The following SNCAIP variants were observed in gnomAD, a reference collection of about 807,000 sequenced individuals.
SNCAIP encodes synuclein alpha interacting protein, also known as synphilin-1.
In SNCAIP, 43 loss-of-function variants were observed where a neutral mutation model predicts 86.7. That is an observed-to-expected ratio of 0.50 (90% CI 0.39 to 0.64). The LOEUF is 0.64. SNCAIP is among the 30% of genes least tolerant of loss of function. The probability of loss-of-function intolerance (pLI) is 0.00; values close to 1 mark genes in which losing one functional copy is unlikely to be tolerated. For missense variants in SNCAIP, 981 were observed against 1,103.1 expected, an observed-to-expected ratio of 0.89 and a Z score of 1.57; for synonymous variants, 417 against 427.2, an observed-to-expected ratio of 0.98 and a Z score of 0.29.
chr5:122,343,601 T>C (rs996621533), intron 1 of SNCAIP, among the ~76,000 whole-genome samples: 11 of 152,252 alleles, frequency 7.2e-5, no homozygotes, highest in African/African-American at 2.7e-4. Flanking sequence ...CTGTCATATA[T>C]GTTTTCTCTG....
At chr5:122,411,987 ACT>A (rs1308074971) in intron 3 of SNCAIP, among the ~76,000 whole-genome samples, 2 of 151,688 alleles carry the variant, frequency 1.3e-5, no homozygotes, top group East Asian at 1.9e-4. Flanking sequence ...GCAGTGGGAA[ACT>A]CTCTCATGTG....
rs138841778 is a variant in SNCAIP at position 122,341,975 on chromosome 5, A to G, written c.-47+29691A>G. Among the ~76,000 whole-genome samples, 1,132 of 152,294 alleles carry G rather than the reference A, an allele frequency of 7.4e-3. 9 individuals are homozygous for G. The highest frequency in any genetic ancestry group is 0.026 in the African/African-American group (1,061 of 41,542). ...AAAATAAAGGCAGTTTCTGCAGCAA[A>G]TTTATATAAAATATGCTTGCTTCCT... On this transcript the variant is annotated intron_variant, in intron 1 of 10. Coordinates refer to ENST00000261368, the MANE Select transcript of SNCAIP (RefSeq NM_005460.4).
intron 1 of SNCAIP, among the ~76,000 whole-genome samples, chr5:122,382,102 G>A (rs549840926): frequency 6.6e-6 from 1 of 152,212 alleles, no homozygotes; most frequent in East Asian, 1.9e-4. Flanking sequence ...TTGCTAGGTT[G>A]GGGAAGTTCT....
chr5:122,368,920 T>G (rs1046986402), intron 1 of SNCAIP, among the ~76,000 whole-genome samples: 6 of 152,114 alleles, frequency 3.9e-5, no homozygotes, highest in Non-Finnish European at 8.8e-5. Context: ...AGTAAGAGAT[T>G]TGGTAATTCC....
At chr5:122,314,074 G>A (rs959554864) in intron 1 of SNCAIP, among the ~76,000 whole-genome samples, 2 of 152,202 alleles carry the variant, frequency 1.3e-5, no homozygotes, top group Admixed American at 6.5e-5. Flanking sequence ...AAAAGGAAGT[G>A]ACTAAAGCAA....
chr5:122,446,180 T>C (rs1006054152), intron 8 of SNCAIP, among the ~76,000 whole-genome samples: 2 of 152,088 alleles, frequency 1.3e-5, no homozygotes, highest in African/African-American at 2.4e-5. Flanking sequence ...TGAACATGTA[T>C]AGATATTTCA....
chr5:122,360,033 C>T (rs1761896412), intron 1 of SNCAIP, among the ~76,000 whole-genome samples: 1 of 152,140 alleles, frequency 6.6e-6, no homozygotes, highest in African/African-American at 2.4e-5. Context: ...TTTATGCAGT[C>T]ACAGTTGATT....
chr5:122,369,340 A>G (rs1056549693), intron 1 of SNCAIP, among the ~76,000 whole-genome samples: 3 of 152,204 alleles, frequency 2.0e-5, no homozygotes, highest in Admixed American at 1.3e-4. Flanking sequence ...TCTAATCAAG[A>G]GGAACCCAAT....
intron 10 of SNCAIP, among the ~76,000 whole-genome samples, chr5:122,461,732 G>A (rs1395542098): frequency 1.4e-5 from 2 of 141,194 alleles, no homozygotes; most frequent in African/African-American, 5.2e-5. Context: ...AGGCTGGAAT[G>A]CAATGGTGTG....
At chr5:122,339,512 G>A (rs2152716943) in intron 1 of SNCAIP, among the ~76,000 whole-genome samples, 1 of 152,268 alleles carries the variant, frequency 6.6e-6, no homozygotes, top group African/African-American at 2.4e-5. Context: ...AAGGGGGAGA[G>A]GCAGTTGGAA....
chr5:122,433,413 G>A (rs1202330397), intron 6 of SNCAIP, among the ~76,000 whole-genome samples: 4 of 152,000 alleles, frequency 2.6e-5, no homozygotes, highest in African/African-American at 9.7e-5. Context: ...CTCACTTCAG[G>A]GCCAGATCCT....
chr5:122,352,050 G>A (rs539230367), intron 1 of SNCAIP, among the ~76,000 whole-genome samples: 7 of 152,308 alleles, frequency 4.6e-5, no homozygotes, highest in African/African-American at 1.7e-4. Context: ...TGGATGCTCA[G>A]TGTTTGTTAA....
At chr5:122,453,949 G>A (rs917510846) in intron 10 of SNCAIP, among the ~76,000 whole-genome samples, 3 of 151,972 alleles carry the variant, frequency 2.0e-5, no homozygotes, top group Admixed American at 2.0e-4. Context: ...TAGTAGAATG[G>A]TGTTTTGCCA....
At chr5:122,400,195 A>G (rs906868835) in intron 2 of SNCAIP, among the ~76,000 whole-genome samples, 4 of 151,898 alleles carry the variant, frequency 2.6e-5, no homozygotes, top group African/African-American at 9.7e-5. Context: ...ATCAGAAGAG[A>G]AGTAGACAAT....
At chr5:122,318,766 G>A (rs1752335102) in intron 1 of SNCAIP, among the ~76,000 whole-genome samples, 1 of 152,042 alleles carries the variant, frequency 6.6e-6, no homozygotes, top group Non-Finnish European at 1.5e-5. Context: ...GAAAATATCA[G>A]TGACCCAGAG....
At chr5:122,339,627 G>C (rs1757166935) in intron 1 of SNCAIP, among the ~76,000 whole-genome samples, 1 of 151,984 alleles carries the variant, frequency 6.6e-6, no homozygotes, top group African/African-American at 2.4e-5. Flanking sequence ...TTCCGGTCTT[G>C]ATTCAAATCT....
At chr5:122,355,784 A>G (rs1042515044) in intron 1 of SNCAIP, among the ~76,000 whole-genome samples, 3 of 152,172 alleles carry the variant, frequency 2.0e-5, no homozygotes, top group Non-Finnish European at 4.4e-5. Context: ...GTTGAATTTA[A>G]GTTAAATGTG....
chr5:122,359,961 T>C (rs1436377063), intron 1 of SNCAIP, among the ~76,000 whole-genome samples: 1 of 152,162 alleles, frequency 6.6e-6, no homozygotes, highest in African/African-American at 2.4e-5. Flanking sequence ...AGAGAGAATC[T>C]CATGCTGCAA....
intron 1 of SNCAIP, among the ~76,000 whole-genome samples, chr5:122,377,790 T>A (rs1183693138): frequency 6.8e-6 from 1 of 147,828 alleles, no homozygotes; most frequent in African/African-American, 2.5e-5. Flanking sequence ...ATATGCGGTG[T>A]TTGGTTTTTT....
Sources: gnomAD v4.1 joint callset for allele counts (sites outside exome capture counted in the v4.1 genomes callset) on GRCh38, gnomAD v4.1.1 for gene constraint, MANE v1.5 for transcripts, NCBI Gene and HGNC (gene_info 2026-07-23, HGNC 2026-07-21) for gene names.